The following SORCS2 variants were observed in gnomAD, a reference collection of about 807,000 sequenced individuals.
SORCS2 encodes VPS10 domain-containing receptor SorCS2.
A neutral mutation model predicts 141.6 loss-of-function variants in SORCS2; 100 were observed. The ratio of observed to expected loss-of-function variants is 0.71; its 90% confidence interval spans 0.60 to 0.83. The LOEUF is 0.83. SORCS2 is among the 40% of genes least tolerant of loss of function. The probability of loss-of-function intolerance (pLI) is 0.00; values close to 1 mark genes in which losing one functional copy is unlikely to be tolerated. For synonymous variants in SORCS2, 789 were observed against 676.9 expected, an observed-to-expected ratio of 1.17 and a Z score of -2.57; for missense variants, 1,646 against 1,560.2, an observed-to-expected ratio of 1.05 and a Z score of -0.93.
intron 1 of SORCS2, among the ~76,000 whole-genome samples, chr4:7,198,939 T>C (rs1230425420): frequency 6.6e-6 from 1 of 152,006 alleles, no homozygotes; most frequent in Non-Finnish European, 1.5e-5. Context: ...AGAGCATGGG[T>C]TGAGAGCTCC....
At chr4:7,300,582 C>T (rs571155703) in intron 1 of SORCS2, among the ~76,000 whole-genome samples, 81 of 152,330 alleles carry the variant, frequency 5.3e-4, no homozygotes, top group Non-Finnish European at 1.0e-3. Flanking sequence ...TAGGTTCTCA[C>T]GGCGACCTTT....
At chr4:7,436,735 C>G (rs561562458) in intron 2 of SORCS2, among the ~76,000 whole-genome samples, 29 of 152,332 alleles carry the variant, frequency 1.9e-4, no homozygotes, top group African/African-American at 6.7e-4. Flanking sequence ...GTCAGTGCAC[C>G]ATGGTGGATT....
At chr4:7,674,190 C>T (rs1210500676) in intron 8 of SORCS2, among the ~76,000 whole-genome samples, 1 of 151,988 alleles carries the variant, frequency 6.6e-6, no homozygotes, top group Non-Finnish European at 1.5e-5. Context: ...CGGTGCCAGT[C>T]ATTTCTGTGT....
chr4:7,278,265 G>A (rs966295032), intron 1 of SORCS2, among the ~76,000 whole-genome samples: 1 of 152,216 alleles, frequency 6.6e-6, no homozygotes, highest in Non-Finnish European at 1.5e-5. Context: ...TCTCTCCTCT[G>A]AGCAGCCTGG....
In SORCS2 at chr4:7,445,681, G is replaced by A. The variant is rs1577575261; in HGVS notation, c.548+49326G>A. On this transcript the variant is annotated intron_variant, in intron 2 of 26. Transcript: ENST00000507866. ...AAGGGCCTAAACGCTTCTCTAAGTGGCATTGCTCAGGATGTTGTGGCCCTG... is the reference window on the plus strand; with the variant it reads ...AAGGGCCTAAACGCTTCTCTAAGTGACATTGCTCAGGATGTTGTGGCCCTG... Among the ~76,000 whole-genome samples, 3 of 152,298 alleles carry A rather than the reference G, an allele frequency of 2.0e-5. No homozygotes were observed. In the South Asian group the frequency reaches 6.2e-4, roughly 32 times the overall value.
At chr4:7,617,325 G>A (rs531699811) in intron 3 of SORCS2, among the ~76,000 whole-genome samples, 36 of 151,656 alleles carry the variant, frequency 2.4e-4, no homozygotes, top group Non-Finnish European at 4.3e-4. Flanking sequence ...TATGGTATTC[G>A]TCTCTCCATT....
chr4:7,678,190 G>C (rs1299386487), intron 9 of SORCS2, among the ~76,000 whole-genome samples: 1 of 152,126 alleles, frequency 6.6e-6, no homozygotes, highest in Non-Finnish European at 1.5e-5. Flanking sequence ...TGGCCAGCCT[G>C]GGGCAGGAGT....
intron 3 of SORCS2, among the ~76,000 whole-genome samples, chr4:7,569,894 G>A (rs544689534): frequency 3.4e-4 from 52 of 152,276 alleles, no homozygotes; most frequent in Middle Eastern, 3.4e-3. Flanking sequence ...TGGCCTCTCC[G>A]GAACTTCCTC....
At chr4:7,548,995 C>T (rs576089262) in intron 3 of SORCS2, among the ~76,000 whole-genome samples, 33 of 152,174 alleles carry the variant, frequency 2.2e-4, no homozygotes, top group South Asian at 1.5e-3. Context: ...GGGCTTGGGT[C>T]GCATGTTATC....
rs540040370 is a variant in SORCS2 at position 7,193,060 on chromosome 4, G to T, written c.414G>T (p.Ser138=). Residue 138 remains serine (S), a synonymous_variant, in exon 1 of 27, where the codon TCG becomes TCT. Transcript: ENST00000507866. This position sits in a 1 kb window ranked among gnomAD's most constrained non-coding sequence, Gnocchi z 4.8. ...SRAQVSLIST[S]FVLKGDATHN... is the part of the protein sequence containing the mutation. ...CGCAGGTCTCGCTCATCAGCACGTC[G>T]TTCGTGCTCAAGGGGGACGCGACGC... 1.3e-6 allele frequency: 2 copies of T among 1,550,892 alleles called. No homozygotes were observed. The highest frequency in any genetic ancestry group is 1.2e-5 in the South Asian group (1 of 85,842).
intron 2 of SORCS2, among the ~76,000 whole-genome samples, chr4:7,419,010 A>G (rs1725874557): frequency 6.6e-6 from 1 of 152,250 alleles, no homozygotes; most frequent in Non-Finnish European, 1.5e-5. Flanking sequence ...ATAGGTCTCA[A>G]GGCATGGACT....
At chr4:7,704,379 G>A (rs1725283066) in intron 14 of SORCS2, 95 bp downstream of exon 14, 1 of 1,112,462 alleles carries the variant, frequency 9.0e-7, no homozygotes, top group South Asian at 1.5e-5. Flanking sequence ...CCAGCCACCT[G>A]GGAATCAGGG....
chr4:7,321,973 A>G (rs543810189), intron 1 of SORCS2, among the ~76,000 whole-genome samples: 104 of 152,240 alleles, frequency 6.8e-4, no homozygotes, highest in African/African-American at 2.4e-3. Context: ...GGCTGTATTG[A>G]CCGTGTTCCT....
intron 1 of SORCS2, among the ~76,000 whole-genome samples, chr4:7,302,664 C>G (rs544397100): frequency 6.6e-6 from 1 of 152,162 alleles, no homozygotes; most frequent in South Asian, 2.1e-4. Context: ...TTTATTTTGT[C>G]TCTCATCTGT....
In SORCS2 at chr4:7,301,843, C is replaced by G. The variant is rs138036215; in HGVS notation, c.481-94445C>G. Reference sequence around the variant, plus strand: ...CTGAGCTGGAAGGACGGGGTTAACACTAAGGTTCCGTTCTCCTGCAGGGCT... The same window carrying G: ...CTGAGCTGGAAGGACGGGGTTAACAGTAAGGTTCCGTTCTCCTGCAGGGCT... On this transcript the variant is annotated intron_variant, in intron 1 of 26. Coordinates refer to ENST00000507866, the MANE Select transcript of SORCS2 (RefSeq NM_020777.3). 1.4e-4 allele frequency among the ~76,000 whole-genome samples: 22 copies of G among 152,376 alleles called. No homozygotes were observed. In the East Asian group the frequency reaches 4.2e-3, roughly 29 times the overall value.
At chr4:7,219,276 G>A (rs186629738) in intron 1 of SORCS2, among the ~76,000 whole-genome samples, 1 of 152,108 alleles carries the variant, frequency 6.6e-6, no homozygotes, top group East Asian at 1.9e-4. Context: ...TAACCCATGC[G>A]ACAGCCTGTG....
chr4:7,676,824 T>TCTCCCTCTCC lies in SORCS2; in HGVS notation c.1341+598_1341+599insCCTCTCCCTC, dbSNP rs1553902878. On this transcript the variant is annotated intron_variant, in intron 9 of 26. Coordinates refer to ENST00000507866, the MANE Select transcript of SORCS2 (RefSeq NM_020777.3). Reference sequence around the variant, plus strand: ...TTCTGTCTCTCTCTCTCTCTCTCTCTCTCTCCCTCTCTCCACCCCAGCCCT... The same window carrying TCTCCCTCTCC: ...TTCTGTCTCTCTCTCTCTCTCTCTCTCTCCCTCTCCCTCTCCCTCTCTCCACCCCAGCCCT... 4.7e-4 allele frequency among the ~76,000 whole-genome samples: 23 copies of TCTCCCTCTCC among 49,078 alleles called. 2 individuals carry two copies. Among genetic ancestry groups the TCTCCCTCTCC allele is most frequent in the Non-Finnish European group, 7.4e-4 (19 of 25,636 alleles). 32.2% of individuals were successfully genotyped at this position (49,078 alleles called of 152,430 possible). A position where few individuals can be genotyped will look rare whatever the true frequency, so the allele number is the denominator to read the frequency against.
intron 2 of SORCS2, among the ~76,000 whole-genome samples, chr4:7,501,027 G>A (rs2109429535): frequency 6.6e-6 from 1 of 152,360 alleles, no homozygotes; most frequent in Admixed American, 6.5e-5. Context: ...TACAGCTGTA[G>A]CATCTCGCAC....
intron 2 of SORCS2, among the ~76,000 whole-genome samples, chr4:7,470,067 C>G (rs74578784): frequency 0.018 from 2,769 of 152,260 alleles, 90 homozygotes; most frequent in African/African-American, 0.063. Flanking sequence ...GAAAACGCTC[C>G]TCCCTCTTGA....
Sources: allele counts gnomAD v4.1 joint callset (sites outside exome capture counted in the v4.1 genomes callset), GRCh38; gene constraint gnomAD v4.1.1; non-coding constraint Gnocchi (gnomAD v3.1); transcripts MANE v1.5; gene names NCBI Gene and HGNC (gene_info 2026-07-23, HGNC 2026-07-21).